STK3: variants seen among roughly 807,000 people sequenced by gnomAD.
STK3 encodes serine/threonine-protein kinase 3.
A neutral mutation model predicts 58.0 loss-of-function variants in STK3; 41 were observed. That is an observed-to-expected ratio of 0.71 (90% CI 0.55 to 0.92). The LOEUF (loss-of-function observed/expected upper bound fraction) is 0.92, where lower values mean the gene tolerates loss of function less well. Among genes scored for constraint, STK3 ranks in the 40% least tolerant of loss-of-function variants. The pLI is 0.00. For missense variants in STK3, 479 were observed against 602.7 expected, an observed-to-expected ratio of 0.79 and a Z score of 2.15; for synonymous variants, 170 against 191.0, an observed-to-expected ratio of 0.89 and a Z score of 0.91.
At chr8:98,456,510 G>T (rs571187296) in intron 10 of STK3, among the ~76,000 whole-genome samples, 1 of 152,344 alleles carries the variant, frequency 6.6e-6, no homozygotes, top group African/African-American at 2.4e-5. Context: ...CTGTGGTAGG[G>T]GGCGGGAAGT....
intron 3 of STK3, chr8:98,432,552 T>C (rs888962828): frequency 6.0e-5 from 10 of 167,104 alleles, no homozygotes; most frequent in African/African-American, 2.4e-4. Context: ...AAGGTAGTAA[T>C]TGGTATTTAA....
chr8:98,679,003 G>A (rs1453505968), intron 6 of STK3, among the ~76,000 whole-genome samples: 2 of 152,094 alleles, frequency 1.3e-5, no homozygotes, highest in African/African-American at 4.8e-5. Context: ...CATTGTCAGT[G>A]CTCTCATATA....
intron 1 of STK3, among the ~76,000 whole-genome samples, chr8:98,925,197 A>G (rs567582595): frequency 7.2e-4 from 110 of 152,336 alleles, no homozygotes; most frequent in Admixed American, 4.6e-4. Flanking sequence ...CAGGGCTGCC[A>G]TTGGTCTCCT....
chr8:98,582,854 T>C (rs1814041235), intron 7 of STK3, among the ~76,000 whole-genome samples: 1 of 152,172 alleles, frequency 6.6e-6, no homozygotes, highest in Non-Finnish European at 1.5e-5. Context: ...TTTGCCTATA[T>C]GGTTACTCAG....
intron 1 of STK3, among the ~76,000 whole-genome samples, chr8:98,934,972 G>T (rs1384395884): frequency 1.4e-5 from 2 of 143,426 alleles, no homozygotes; most frequent in African/African-American, 5.0e-5. Context: ...AAAGAGCAAA[G>T]CACAAGCCTA....
chr8:98,522,118 A>G (rs1196886864), intron 10 of STK3, among the ~76,000 whole-genome samples: 1 of 152,184 alleles, frequency 6.6e-6, no homozygotes, highest in African/African-American at 2.4e-5. Context: ...GGGGCTAAAA[A>G]TGTTTCCAAA....
At chr8:98,357,564 T>A in the STK3 span, among the ~76,000 whole-genome samples, 1 of 152,214 alleles carries the variant, frequency 6.6e-6, no homozygotes, top group Non-Finnish European at 1.5e-5. Context: ...GGCTGCCATG[T>A]GTGTGCTTAC....
chr8:98,481,054 GAT>G (rs1298076447), intron 10 of STK3, among the ~76,000 whole-genome samples: 13 of 152,014 alleles, frequency 8.6e-5, no homozygotes, highest in African/African-American at 2.9e-4. Flanking sequence ...TTCACATTTT[GAT>G]ATATTCTTGT....
At chr8:98,501,335 T>C (rs1483365690) in intron 10 of STK3, among the ~76,000 whole-genome samples, 1 of 152,168 alleles carries the variant, frequency 6.6e-6, no homozygotes. Flanking sequence ...TTGTAAAAAT[T>C]TTCTTCCACT....
At chr8:98,823,161 A>G (rs1186449260) in intron 1 of STK3, among the ~76,000 whole-genome samples, 2 of 152,208 alleles carry the variant, frequency 1.3e-5, no homozygotes, top group Admixed American at 6.5e-5. Context: ...TTTTTAATAG[A>G]AAATTTGATA....
the STK3 span, among the ~76,000 whole-genome samples, chr8:98,363,806 T>A: frequency 6.6e-6 from 1 of 152,174 alleles, no homozygotes; most frequent in Non-Finnish European, 1.5e-5. Flanking sequence ...GGAAGTGATG[T>A]CACCGCGGAG....
At chr8:98,576,362 A>AT (rs762005953) in intron 8 of STK3, among the ~76,000 whole-genome samples, 5 of 152,198 alleles carry the variant, frequency 3.3e-5, no homozygotes, top group Middle Eastern at 3.4e-3. Flanking sequence ...TTCTTTTTTG[A>AT]TATGTTTTGG....
At chr8:98,456,617 T>TTTC (rs370788495) in intron 10 of STK3, among the ~76,000 whole-genome samples, 20 of 152,200 alleles carry the variant, frequency 1.3e-4, no homozygotes, top group South Asian at 6.2e-4. Flanking sequence ...TTGGTTTTCT[T>TTTC]TTCTTCTTCT....
At chr8:98,554,659 C>T (rs185649855) in intron 8 of STK3, among the ~76,000 whole-genome samples, 2 of 152,144 alleles carry the variant, frequency 1.3e-5, no homozygotes, top group African/African-American at 4.8e-5. Flanking sequence ...CATGAACACT[C>T]AATTCACTAA....
intron 6 of STK3, among the ~76,000 whole-genome samples, chr8:98,699,238 T>C (rs1825304764): frequency 6.6e-6 from 1 of 152,128 alleles, no homozygotes; most frequent in East Asian, 1.9e-4. Context: ...CTTCTCTGTA[T>C]TGGTTATTCT....
intron 1 of STK3, among the ~76,000 whole-genome samples, chr8:98,797,679 T>C (rs1412643755): frequency 2.6e-5 from 4 of 152,204 alleles, no homozygotes; most frequent in Non-Finnish European, 4.4e-5. Flanking sequence ...AACTTTATTA[T>C]ATAAAAATAT....
intron 10 of STK3, among the ~76,000 whole-genome samples, chr8:98,508,685 C>T (rs1824273860): frequency 6.6e-6 from 1 of 151,902 alleles, no homozygotes; most frequent in Non-Finnish European, 1.5e-5. Context: ...GTGGCTGTGG[C>T]TGGTTATGTT....
intron 1 of STK3, among the ~76,000 whole-genome samples, chr8:98,927,884 T>C (rs1267712197): frequency 6.6e-6 from 1 of 152,162 alleles, no homozygotes; most frequent in Non-Finnish European, 1.5e-5. Flanking sequence ...GAGATCCTCA[T>C]GATATGGTTT....
intron 8 of STK3, among the ~76,000 whole-genome samples, chr8:98,575,762 G>A (rs993972972): frequency 2.0e-5 from 3 of 151,424 alleles, no homozygotes; most frequent in African/African-American, 7.3e-5. Context: ...ATGAGCCACC[G>A]CACCCAGCTT....
Sources: allele counts gnomAD v4.1 joint callset (sites outside exome capture counted in the v4.1 genomes callset), GRCh38; gene constraint gnomAD v4.1.1; transcripts MANE v1.5; gene names NCBI Gene and HGNC (gene_info 2026-07-23, HGNC 2026-07-21).